The following CACNA2D3 variants were observed in gnomAD, a reference collection of about 807,000 sequenced individuals.
CACNA2D3 encodes calcium voltage-gated channel auxiliary subunit alpha2delta 3.
Under a neutral mutation model 160.6 loss-of-function variants are expected in CACNA2D3, and 60 were observed. The observed-to-expected ratio is 0.37, with a 90% CI of 0.30 to 0.46. The LOEUF is 0.46. Ranked by LOEUF, CACNA2D3 falls within the 20% of genes least tolerant of loss-of-function variation. CACNA2D3 has a pLI of 1.00. For missense variants in CACNA2D3, 1,205 were observed against 1,365.0 expected (o/e 0.88, Z 1.85); for synonymous variants, 558 against 492.9 (o/e 1.13, Z -1.75).
chr3:54,859,339 A>C (rs1227765560), intron 17 of CACNA2D3, among the ~76,000 whole-genome samples: 1 of 152,224 alleles, frequency 6.6e-6, no homozygotes, highest in Admixed American at 6.5e-5. Context: ...ACCGTGACAC[A>C]CTTAGGTGAA....
intron 2 of CACNA2D3, among the ~76,000 whole-genome samples, chr3:54,171,136 C>CTTTTTTTTTTTTTTTTTTT (rs57761171): frequency 0.012 from 758 of 62,536 alleles, 211 homozygotes; most frequent in Middle Eastern, 0.024. Flanking sequence ...AAGATGATGA[C>CTTTTTTTTTTTTTTTTTTT]TTTTTTTTTT....
chr3:54,250,315 T>C (rs1041957716), intron 2 of CACNA2D3, among the ~76,000 whole-genome samples: 3 of 152,210 alleles, frequency 2.0e-5, no homozygotes, highest in Non-Finnish European at 2.9e-5. Flanking sequence ...AAAAAAGTGA[T>C]GATTATGTGA....
intron 11 of CACNA2D3, among the ~76,000 whole-genome samples, chr3:54,723,445 A>G (rs746091386): frequency 2.0e-5 from 3 of 152,174 alleles, no homozygotes; most frequent in Non-Finnish European, 4.4e-5. Context: ...GGGTATGGAA[A>G]AAACTCCTAC....
chr3:54,401,724 A>C (rs1361452386), intron 4 of CACNA2D3, among the ~76,000 whole-genome samples: 2 of 152,212 alleles, frequency 1.3e-5, no homozygotes, highest in Non-Finnish European at 2.9e-5. Context: ...ATTTATCACC[A>C]CTAAACCCGT....
At chr3:54,313,937 T>C (rs887486111) in intron 2 of CACNA2D3, among the ~76,000 whole-genome samples, 1 of 138,708 alleles carries the variant, frequency 7.2e-6, no homozygotes, top group Admixed American at 7.0e-5. Context: ...GAACAGGTAG[T>C]GTTTGGTTAC....
intron 3 of CACNA2D3, among the ~76,000 whole-genome samples, chr3:54,354,706 C>T (rs1009480789): frequency 5.9e-5 from 9 of 152,202 alleles, no homozygotes; most frequent in Non-Finnish European, 1.3e-4. Context: ...TACCTCGAGG[C>T]TGGAGTGTGG....
intron 2 of CACNA2D3, among the ~76,000 whole-genome samples, chr3:54,244,231 T>C (rs1211688934): frequency 2.0e-5 from 3 of 152,134 alleles, no homozygotes; most frequent in Admixed American, 6.5e-5. Context: ...GCAAAACTAG[T>C]CTGGGCTGGT....
chr3:54,237,493 A>G (rs1302590609), intron 2 of CACNA2D3, among the ~76,000 whole-genome samples: 1 of 152,198 alleles, frequency 6.6e-6, no homozygotes, highest in Non-Finnish European at 1.5e-5. Context: ...TCTGACTTGT[A>G]CAAATGAAAT....
At chr3:54,156,559 C>T (rs1418029950) in intron 2 of CACNA2D3, among the ~76,000 whole-genome samples, 1 of 152,184 alleles carries the variant, frequency 6.6e-6, no homozygotes, top group Admixed American at 6.5e-5. Flanking sequence ...CCCATTCCCT[C>T]CCGGTCTTCA....
chr3:54,159,707 A>G (rs1700307296), intron 2 of CACNA2D3, among the ~76,000 whole-genome samples: 1 of 152,186 alleles, frequency 6.6e-6, no homozygotes, highest in Non-Finnish European at 1.5e-5. Context: ...GTTACCCACA[A>G]AATTTTTTAA....
intron 4 of CACNA2D3, among the ~76,000 whole-genome samples, chr3:54,417,418 A>G (rs544388133): frequency 7.2e-5 from 11 of 152,292 alleles, no homozygotes; most frequent in Non-Finnish European, 4.4e-5. Flanking sequence ...GGCAAGTCAT[A>G]TGTTCTTTCA....
At chr3:54,343,135 G>A (rs1362290907) in intron 3 of CACNA2D3, among the ~76,000 whole-genome samples, 1 of 151,928 alleles carries the variant, frequency 6.6e-6, no homozygotes, top group African/African-American at 2.4e-5. Flanking sequence ...TTTCCCTCTT[G>A]GGAAAATTTG....
chr3:54,739,829 CTATT>C (rs1701612786), intron 11 of CACNA2D3, among the ~76,000 whole-genome samples: 1 of 150,246 alleles, frequency 6.7e-6, no homozygotes, highest in Non-Finnish European at 1.5e-5. Context: ...ATATATATAA[CTATT>C]TACATTTAGT....
chr3:54,991,550 T>C (rs1296702217), intron 31 of CACNA2D3, among the ~76,000 whole-genome samples: 1 of 152,140 alleles, frequency 6.6e-6, no homozygotes, highest in Admixed American at 6.5e-5. Context: ...GAAAATCTAG[T>C]CTCAAAATCC....
chr3:54,988,323 C>G (rs1385350509), intron 31 of CACNA2D3, among the ~76,000 whole-genome samples: 1 of 152,198 alleles, frequency 6.6e-6, no homozygotes, highest in Non-Finnish European at 1.5e-5. Context: ...TGTAAGAACT[C>G]TCGCTGATCC....
intron 11 of CACNA2D3, among the ~76,000 whole-genome samples, chr3:54,665,048 A>G (rs1307573696): frequency 6.6e-6 from 1 of 152,188 alleles, no homozygotes; most frequent in Non-Finnish European, 1.5e-5. Flanking sequence ...TCTGTAGGAC[A>G]ATGGGGACAT....
At chr3:54,302,870 T>G (rs1703510770) in intron 2 of CACNA2D3, among the ~76,000 whole-genome samples, 1 of 151,990 alleles carries the variant, frequency 6.6e-6, no homozygotes, top group Non-Finnish European at 1.5e-5. Flanking sequence ...CATCTCCTCT[T>G]TCTGCCTCTT....
intron 5 of CACNA2D3, among the ~76,000 whole-genome samples, chr3:54,513,108 T>C (rs1240099564): frequency 6.6e-6 from 1 of 152,092 alleles, no homozygotes; most frequent in Admixed American, 6.5e-5. Context: ...AAGATGAGAT[T>C]TGGGCGGGGA....
At chr3:54,151,215 A>G (rs1700145142) in intron 2 of CACNA2D3, among the ~76,000 whole-genome samples, 2 of 151,918 alleles carry the variant, frequency 1.3e-5, no homozygotes. Flanking sequence ...AAGTAGATTA[A>G]TTAATGGATG....
Sources: allele counts gnomAD v4.1 joint callset (sites outside exome capture counted in the v4.1 genomes callset), GRCh38; gene constraint gnomAD v4.1.1; transcripts MANE v1.5; gene names NCBI Gene and HGNC (gene_info 2026-07-23, HGNC 2026-07-21).